ZNF385D: variants seen among roughly 807,000 people sequenced by gnomAD.
ZNF385D encodes the protein zinc finger protein 385D.
Under a neutral mutation model 35.8 loss-of-function variants are expected in ZNF385D, and 15 were observed. That is an observed-to-expected ratio of 0.42 (90% CI 0.28 to 0.64). The LOEUF (loss-of-function observed/expected upper bound fraction) is 0.64. Ranked by LOEUF, ZNF385D falls within the 30% of genes least tolerant of loss-of-function variation. The probability of loss-of-function intolerance (pLI) is 0.23; values close to 1 mark genes in which losing one functional copy is unlikely to be tolerated. For synonymous variants in ZNF385D, 212 were observed against 186.8 expected (o/e 1.13, Z -1.10); for missense variants, 474 against 494.6 (o/e 0.96, Z 0.39).
intron 3 of ZNF385D, among the ~76,000 whole-genome samples, chr3:22,041,603 G>T (rs565136841): frequency 1.3e-5 from 2 of 152,182 alleles, no homozygotes; most frequent in East Asian, 1.9e-4. Flanking sequence ...AACCAACTGG[G>T]TGATCTGAAC....
chr3:22,030,094 C>A (rs1025667116), intron 3 of ZNF385D, among the ~76,000 whole-genome samples: 1 of 150,984 alleles, frequency 6.6e-6, no homozygotes, highest in African/African-American at 2.4e-5. Context: ...CCTAGCCTCC[C>A]AGTCTATATC....
chr3:21,857,677 G>A (rs941366897), intron 3 of ZNF385D, among the ~76,000 whole-genome samples: 4 of 151,896 alleles, frequency 2.6e-5, no homozygotes, highest in Non-Finnish European at 5.9e-5. Flanking sequence ...GAGGAGCCAG[G>A]GAATGGGGTT....
intron 2 of ZNF385D, among the ~76,000 whole-genome samples, chr3:22,217,632 A>C (rs1301772065): frequency 6.6e-6 from 1 of 152,196 alleles, no homozygotes; most frequent in Admixed American, 6.5e-5. Context: ...TTTTGTGTTA[A>C]AAGATTTGTA....
intron 3 of ZNF385D, among the ~76,000 whole-genome samples, chr3:22,084,494 A>G (rs1481774647): frequency 6.6e-6 from 1 of 152,180 alleles, no homozygotes; most frequent in Non-Finnish European, 1.5e-5. Flanking sequence ...CCATTACATA[A>G]TGGTAAAGGG....
intron 2 of ZNF385D, among the ~76,000 whole-genome samples, chr3:22,266,521 C>G (rs993280188): frequency 6.6e-6 from 1 of 151,890 alleles, no homozygotes; most frequent in South Asian, 2.1e-4. Flanking sequence ...TTAATAATAA[C>G]AATACCTGGG....
chr3:21,490,565 C>A (rs1705357971), intron 4 of ZNF385D, among the ~76,000 whole-genome samples: 1 of 152,106 alleles, frequency 6.6e-6, no homozygotes, highest in South Asian at 2.1e-4. Context: ...AATACAGCTT[C>A]AGCCTAGCTG....
chr3:22,302,360 A>C (rs1158801399), intron 2 of ZNF385D, among the ~76,000 whole-genome samples: 4 of 151,514 alleles, frequency 2.6e-5, no homozygotes, highest in Admixed American at 6.6e-5. Flanking sequence ...ATGCTTTTCT[A>C]TCAATGAATA....
At chr3:22,116,046 G>A (rs1702793084) in intron 3 of ZNF385D, among the ~76,000 whole-genome samples, 1 of 151,886 alleles carries the variant, frequency 6.6e-6, no homozygotes. Context: ...ATTTTCCTGT[G>A]TTCATATAAA....
Position 22,283,111 on chromosome 3 carries a change from G to C in ZNF385D, c.106+89339C>G, listed in dbSNP as rs373120908. ...AGAGGGACCTTATATAAATGATAAA[G>C]GACTAGTCCAATAGTAAAATATCAC... is the stretch of plus-strand genomic sequence containing the variant. On this transcript the variant is annotated intron_variant, in intron 2 of 5. Coordinates refer to the ZNF385D transcript ENST00000494108. Among the ~76,000 whole-genome samples, 7 of 152,062 alleles carry C rather than the reference G, an allele frequency of 4.6e-5. No individual in the cohort carries two copies. In the South Asian group the frequency reaches 8.3e-4, roughly 18 times the overall value.
intron 2 of ZNF385D, among the ~76,000 whole-genome samples, chr3:21,578,718 C>T (rs2063566357): frequency 6.6e-6 from 1 of 152,094 alleles, no homozygotes; most frequent in Non-Finnish European, 1.5e-5. Context: ...CAGAACCATG[C>T]TGTTTGGGTT....
chr3:21,777,916 T>G (rs548174380), intron 3 of ZNF385D: 78 of 151,788 alleles, frequency 5.1e-4, no homozygotes, highest in Admixed American at 1.3e-3. Flanking sequence ...AAACCTGACA[T>G]AAGAAGCGGA....
At chr3:22,167,540 C>T (rs1307693639) in intron 3 of ZNF385D, among the ~76,000 whole-genome samples, 1 of 152,114 alleles carries the variant, frequency 6.6e-6, no homozygotes, top group Non-Finnish European at 1.5e-5. Flanking sequence ...CAGGACCCAC[C>T]AATCATGGGT....
chr3:22,065,664 C>A (rs933124298), intron 3 of ZNF385D, among the ~76,000 whole-genome samples: 2 of 152,078 alleles, frequency 1.3e-5, no homozygotes, highest in African/African-American at 4.8e-5. Flanking sequence ...GGCAAATACA[C>A]AGGACCATAA....
intron 2 of ZNF385D, among the ~76,000 whole-genome samples, chr3:22,201,869 T>C (rs893117638): frequency 2.6e-5 from 4 of 151,706 alleles, no homozygotes; most frequent in Admixed American, 6.6e-5. Flanking sequence ...CAGTTCTTCA[T>C]TGAATTTAAA....
chr3:21,500,679 T>A (rs545470380), intron 4 of ZNF385D, among the ~76,000 whole-genome samples: 2 of 152,146 alleles, frequency 1.3e-5, no homozygotes, highest in African/African-American at 4.8e-5. Context: ...AGTGAGGTAA[T>A]TGGGCAGGAG....
chr3:22,195,179 G>A (rs1235190616), intron 2 of ZNF385D, among the ~76,000 whole-genome samples: 1 of 151,818 alleles, frequency 6.6e-6, no homozygotes, highest in Non-Finnish European at 1.5e-5. Context: ...ATGGTTTCTA[G>A]TGGAATCACA....
chr3:21,658,298 G>C (rs763535838), intron 2 of ZNF385D, among the ~76,000 whole-genome samples: 1 of 152,008 alleles, frequency 6.6e-6, no homozygotes, highest in African/African-American at 2.4e-5. Context: ...TTATTAACCA[G>C]AGTAAACAAA....
chr3:21,536,873 C>T (rs771463478), intron 3 of ZNF385D, among the ~76,000 whole-genome samples: 2 of 151,760 alleles, frequency 1.3e-5, no homozygotes, highest in East Asian at 2.0e-4. Context: ...ACGCAGAAAT[C>T]GGAGGGAAGA....
chr3:22,158,034 T>C (rs916238702), intron 3 of ZNF385D, among the ~76,000 whole-genome samples: 3 of 152,092 alleles, frequency 2.0e-5, no homozygotes, highest in East Asian at 3.9e-4. Flanking sequence ...AGATGTAAGA[T>C]GAAAGAGGGA....
Sources: gnomAD v4.1 joint callset for allele counts (sites outside exome capture counted in the v4.1 genomes callset) on GRCh38, gnomAD v4.1.1 for gene constraint, MANE v1.5 for transcripts, NCBI Gene and HGNC (gene_info 2026-07-23, HGNC 2026-07-21) for gene names.